Variants in FANK1 observed in about 807,000 individuals in gnomAD.
FANK1 encodes the protein fibronectin type 3 and ankyrin repeat domains protein 1.
Under a neutral mutation model 45.3 loss-of-function variants are expected in FANK1, and 44 were observed. The ratio of observed to expected loss-of-function variants is 0.97; its 90% confidence interval spans 0.76 to 1.25. FANK1 has a LOEUF of 1.25. Ranked by LOEUF, FANK1 falls within the 50% of genes most tolerant of loss-of-function variation. The pLI is 0.00. For synonymous variants in FANK1, 149 were observed against 152.5 expected, an observed-to-expected ratio of 0.98 and a Z score of 0.17; for missense variants, 391 against 424.4, an observed-to-expected ratio of 0.92 and a Z score of 0.69.
rs752816649 is a variant in FANK1 at position 125,980,317 on chromosome 10, A to C, written c.170A>C (p.His57Pro). Residue 57 changes from histidine to proline, a missense_variant, in exon 2 of 11, where the codon CAC (histidine) becomes CCC (proline). Physicochemically the swap from His to Pro is moderately conservative, Grantham distance 77. Coordinates refer to ENST00000368693, the MANE Select transcript of FANK1 (RefSeq NM_145235.5). ...FSIEEEDPKM[H>P]TYGIIYTGYA... is the part of the protein sequence containing the mutation. ...ATTGAAGAAGAAGACCCCAAAATGCACACTTATGGTATCATTTATACGTAG... is the reference window on the plus strand; with the variant it reads ...ATTGAAGAAGAAGACCCCAAAATGCCCACTTATGGTATCATTTATACGTAG... 1 of 1,614,110 alleles carries C rather than the reference A, an allele frequency of 6.2e-7. No homozygotes were observed. The highest frequency in any genetic ancestry group is 8.5e-7 in the Non-Finnish European group (1 of 1,180,030).
chr10:125,919,195 A>AT (rs142716284), intron 1 of FANK1, among the ~76,000 whole-genome samples: 667 of 51,844 alleles, frequency 0.013, 129 homozygotes, highest in South Asian at 0.059. Context: ...GGAGGTAAGA[A>AT]TTTTTTTTTT....
chr10:125,997,838 C>G (rs1952461145), intron 6 of FANK1, among the ~76,000 whole-genome samples: 1 of 152,272 alleles, frequency 6.6e-6, no homozygotes, highest in South Asian at 2.1e-4. Context: ...CACCCCGTGC[C>G]TCTCTCAGGC....
chr10:125,989,417 C>T (rs529614449), intron 3 of FANK1: 6 of 1,481,624 alleles, frequency 4.0e-6, no homozygotes, highest in South Asian at 2.4e-5. Flanking sequence ...GCTCTTTTTC[C>T]GTTTTATTCC....
At chr10:125,910,868 A>G (rs549012937) in intron 1 of FANK1, among the ~76,000 whole-genome samples, 2 of 152,212 alleles carry the variant, frequency 1.3e-5, no homozygotes, top group Non-Finnish European at 2.9e-5. Context: ...CCCCGTCTCT[A>G]CTAAAAACAC....
At chr10:125,970,598 A>C (rs923357456) in intron 1 of FANK1, among the ~76,000 whole-genome samples, 1 of 152,194 alleles carries the variant, frequency 6.6e-6, no homozygotes, top group Admixed American at 6.5e-5. Context: ...AGATCACTCG[A>C]GGTCAGGAGC....
At chr10:125,958,318 G>A (rs1949709750) in intron 1 of FANK1, among the ~76,000 whole-genome samples, 1 of 152,044 alleles carries the variant, frequency 6.6e-6, no homozygotes, top group African/African-American at 2.4e-5. Context: ...AGAACTGCCC[G>A]AGACTGGGTA....
chr10:126,001,506 G>T (rs886323021), intron 6 of FANK1, among the ~76,000 whole-genome samples: 1 of 152,224 alleles, frequency 6.6e-6, no homozygotes, highest in Non-Finnish European at 1.5e-5. Context: ...TCCATTTCTG[G>T]TGGGCTTGTA....
At chr10:125,980,474 A>G in intron 2 of FANK1, 136 bp downstream of exon 2, 11 of 1,046,664 alleles carry the variant, frequency 1.1e-5, no homozygotes, top group Non-Finnish European at 1.2e-5. Context: ...ATGCTCTTTT[A>G]TGAATTACAA....
chr10:125,918,586 ATATATAT>A (rs1270710263), intron 1 of FANK1, among the ~76,000 whole-genome samples: 3 of 57,424 alleles, frequency 5.2e-5, no homozygotes, highest in African/African-American at 2.0e-4. Flanking sequence ...AAAAAAAAAA[ATATATAT>A]ATATATATAT....
At chr10:125,915,053 T>C (rs1019307109) in intron 1 of FANK1, among the ~76,000 whole-genome samples, 2 of 152,062 alleles carry the variant, frequency 1.3e-5, no homozygotes, top group African/African-American at 2.4e-5. Flanking sequence ...TAACCTAGGA[T>C]GGCTAATGTG....
intron 1 of FANK1, among the ~76,000 whole-genome samples, chr10:125,913,961 A>G (rs11244698): frequency 9.5e-4 from 144 of 152,254 alleles, no homozygotes; most frequent in Non-Finnish European, 1.5e-3. Context: ...ACTGTCGAGT[A>G]AAAACACAAA....
chr10:125,957,546 A>G (rs1949658429), intron 1 of FANK1, among the ~76,000 whole-genome samples: 1 of 151,432 alleles, frequency 6.6e-6, no homozygotes, highest in Non-Finnish European at 1.5e-5. Context: ...TTTTTTTGAG[A>G]CGGAGTCTTG....
intron 1 of FANK1, chr10:125,972,409 A>C (rs1373691988): frequency 6.6e-6 from 1 of 152,232 alleles, no homozygotes; most frequent in African/African-American, 2.4e-5. Context: ...AGATGATGAC[A>C]AAAACACCAG....
intron 1 of FANK1, among the ~76,000 whole-genome samples, chr10:125,933,985 TATCTG>T (rs1421922887): frequency 7.2e-5 from 11 of 152,204 alleles, no homozygotes; most frequent in African/African-American, 2.4e-4. Flanking sequence ...ATTCCACTGT[TATCTG>T]AGAGAGTGCT....
intron 1 of FANK1, among the ~76,000 whole-genome samples, chr10:125,977,989 C>T (rs373009213): frequency 3.3e-5 from 5 of 152,280 alleles, no homozygotes; most frequent in African/African-American, 1.2e-4. Context: ...GGTACTGGCT[C>T]CACAGCTCTG....
rs908563831 is a variant in FANK1, at chr10:125,980,447, C to T, written c.191+109C>T. ...GCTTGTTTCAAATTAAAGAATGAGT[C>T]AGCATCATTTGTATTCATGCTCTTT... On this transcript the variant is annotated intron_variant, in intron 2 of 10. Coordinates refer to ENST00000368693, the MANE Select transcript of FANK1 (RefSeq NM_145235.5). 8.0e-6 allele frequency: 10 copies of T among 1,251,372 alleles called. No individual in the cohort carries two copies. In the African/African-American group the frequency reaches 1.2e-4, roughly 15 times the overall value. The allele number at this position is 1,251,372 out of a possible 1,614,324, so 77.5% of individuals were successfully genotyped here. A position where few individuals can be genotyped will look rare whatever the true frequency, so the allele number is the denominator to read the frequency against.
chr10:125,978,232 T>C (rs1950972541), intron 1 of FANK1, among the ~76,000 whole-genome samples: 1 of 151,436 alleles, frequency 6.6e-6, no homozygotes, highest in Non-Finnish European at 1.5e-5. Context: ...GGACCTGGTG[T>C]CGGCCCAAAG....
intron 1 of FANK1, among the ~76,000 whole-genome samples, chr10:125,964,105 T>G (rs191510686): frequency 6.6e-6 from 1 of 152,126 alleles, no homozygotes; most frequent in African/African-American, 2.4e-5. Flanking sequence ...AAATTATTTT[T>G]CTTTCATCCT....
intron 1 of FANK1, among the ~76,000 whole-genome samples, chr10:125,946,167 A>G (rs1384235300): frequency 2.6e-5 from 4 of 152,134 alleles, no homozygotes; most frequent in Admixed American, 1.3e-4. Flanking sequence ...AAAAAACAGA[A>G]CAGAAAAACT....
Sources: allele counts gnomAD v4.1 joint callset (sites outside exome capture counted in the v4.1 genomes callset), GRCh38; gene constraint gnomAD v4.1.1; transcripts MANE v1.5; gene names NCBI Gene and HGNC (gene_info 2026-07-23, HGNC 2026-07-21).